The following ASH1L variants were observed in gnomAD, a reference collection of about 807,000 sequenced individuals.
ASH1L encodes histone-lysine N-methyltransferase ASH1L.
A neutral mutation model predicts 269.0 loss-of-function variants in ASH1L; 23 were observed. The observed-to-expected ratio is 0.09, with a 90% CI of 0.06 to 0.12. The LOEUF is 0.12. ASH1L is among the 10% of genes least tolerant of loss of function. The pLI is 1.00. For missense variants in ASH1L, 2,912 were observed against 3,567.8 expected (o/e 0.82, Z 4.68); for synonymous variants, 1,187 against 1,253.5 (o/e 0.95, Z 1.12).
chr1:155,391,579 C>T (rs191799548), intron 7 of ASH1L, among the ~76,000 whole-genome samples: 5 of 152,264 alleles, frequency 3.3e-5, no homozygotes, highest in Admixed American at 1.3e-4. Context: ...TGTTTATTAA[C>T]GTCCAGTAAT....
chr1:155,479,995 T>C lies in ASH1L; in HGVS notation c.2875A>G (p.Met959Val). ...TCTGGTTCCATCTCAAGGTCACTCA[T>C]ACTACAGACACTTGGCCTATGACTG... ...DDSHRPSVCSMSDLEMEPDKK... is the reference protein window; with the variant it reads ...DDSHRPSVCSVSDLEMEPDKK... The change falls in exon 3 of 28, where the codon ATG (methionine) becomes GTG (valine). Residue 959 changes from methionine (M) to valine (V), a missense_variant. Met to Val is a conservative substitution (Grantham distance 21, BLOSUM62 1). Around this residue, in one of 13 missense-constraint regions of ASH1L, gnomAD observed 715 missense variants for 721.0 expected, o/e 0.99. Transcript: ENST00000392403. The C allele has an allele frequency of 1.2e-6, 2 of 1,614,036 alleles. No individual in the cohort carries two copies. Among genetic ancestry groups the C allele is most frequent in the African/African-American group, 1.3e-5 (1 of 75,052 alleles).
chr1:155,546,165 A>AAC (rs1193334863), intron 1 of ASH1L, among the ~76,000 whole-genome samples: 1 of 150,646 alleles, frequency 6.6e-6, no homozygotes, highest in Non-Finnish European at 1.5e-5. Flanking sequence ...CACCAAAAAA[A>AAC]AAAAAAAAAA....
intron 2 of ASH1L, among the ~76,000 whole-genome samples, chr1:155,488,384 G>C (rs1222477755): frequency 6.6e-6 from 1 of 150,592 alleles, no homozygotes; most frequent in Non-Finnish European, 1.5e-5. Context: ...TTGAAGCCGG[G>C]TACGGTGGCT....
At chr1:155,498,915 A>AGT (rs1667328245) in intron 2 of ASH1L, among the ~76,000 whole-genome samples, 1 of 148,624 alleles carries the variant, frequency 6.7e-6, no homozygotes, top group African/African-American at 2.5e-5. Context: ...TGAGAACAGG[A>AGT]GTAAAAAAAA....
intron 6 of ASH1L, among the ~76,000 whole-genome samples, chr1:155,397,140 A>G (rs1360098884): frequency 6.6e-6 from 1 of 151,556 alleles, no homozygotes; most frequent in African/African-American, 2.4e-5. Context: ...AAGAAAAAAA[A>G]AAAAAAAAAG....
At chr1:155,524,875 A>T (rs558782176) in intron 1 of ASH1L, among the ~76,000 whole-genome samples, 2 of 152,254 alleles carry the variant, frequency 1.3e-5, no homozygotes, top group South Asian at 4.1e-4. Flanking sequence ...AGGGAGAAAA[A>T]ATAAATAATA....
At chr1:155,372,749 T>C (rs538289590) in intron 10 of ASH1L, among the ~76,000 whole-genome samples, 2 of 152,144 alleles carry the variant, frequency 1.3e-5, no homozygotes, top group East Asian at 3.9e-4. Context: ...GTAGGTGGGA[T>C]TACAGGCATG....
At chr1:155,496,310 T>C (rs904143636) in intron 2 of ASH1L, among the ~76,000 whole-genome samples, 6 of 152,204 alleles carry the variant, frequency 3.9e-5, no homozygotes, top group Non-Finnish European at 4.4e-5. Context: ...TCCATTATAC[T>C]CTTATGGGAC....
chr1:155,388,821 G>A (rs11586577), intron 7 of ASH1L, among the ~76,000 whole-genome samples: 15,285 of 150,346 alleles, frequency 0.1, 1,090 homozygotes, highest in Middle Eastern at 0.2. Context: ...CTGGGCTCAA[G>A]TGATCCTCCT....
chr1:155,469,429 C>T (rs772082706), intron 3 of ASH1L, among the ~76,000 whole-genome samples: 5 of 152,016 alleles, frequency 3.3e-5, no homozygotes, highest in Non-Finnish European at 5.9e-5. Context: ...GTGATCTGCC[C>T]GCCTCAGCCT....
rs1299775900 is a variant in ASH1L at position 155,562,765 on chromosome 1, G to A, written c.-712C>T. The A allele has an allele frequency of 2.1e-6, 2 of 940,016 alleles. No homozygotes were observed. Among genetic ancestry groups the A allele is most frequent in the East Asian group, 2.9e-5 (1 of 34,306 alleles). The allele number at this position is 940,016 out of a possible 1,614,324, so 58.2% of individuals were successfully genotyped here. On this transcript the variant is annotated 5_prime_UTR_variant, in exon 1 of 28. Transcript: ENST00000392403. ...CCCTGTCAAGCCGGCGCCGGCGCAG[G>A]CCCTCACGCGTACCTTCAACGGCGC...
chr1:155,476,589 T>G (rs1440616273), intron 3 of ASH1L, among the ~76,000 whole-genome samples: 1 of 151,618 alleles, frequency 6.6e-6, no homozygotes, highest in African/African-American at 2.4e-5. Flanking sequence ...TCTCGCTCTG[T>G]TGCCCAGGCT....
At chr1:155,559,983 C>T (rs1671849034) in intron 1 of ASH1L, among the ~76,000 whole-genome samples, 1 of 152,138 alleles carries the variant, frequency 6.6e-6, no homozygotes, top group Admixed American at 6.6e-5. Flanking sequence ...TCCCTTATCA[C>T]CAAATTCAGA....
intron 3 of ASH1L, among the ~76,000 whole-genome samples, chr1:155,467,407 G>A (rs776495035): frequency 4.6e-5 from 7 of 152,134 alleles, no homozygotes; most frequent in Non-Finnish European, 8.8e-5. Context: ...CTTGCATCAA[G>A]CTGATTTTAT....
At chr1:155,524,638 G>T (rs1002081869) in intron 1 of ASH1L, among the ~76,000 whole-genome samples, 1 of 151,762 alleles carries the variant, frequency 6.6e-6, no homozygotes, top group African/African-American at 2.4e-5. Flanking sequence ...TTCAAAGCCA[G>T]TATGGACAAC....
chr1:155,451,996 C>T (rs1265736491), intron 4 of ASH1L, among the ~76,000 whole-genome samples: 1 of 151,900 alleles, frequency 6.6e-6, no homozygotes, highest in Non-Finnish European at 1.5e-5. Context: ...GCTGGGATTA[C>T]AGACGTGAGC....
chr1:155,337,512 G>A lies in ASH1L; in HGVS notation c.*148C>T. The A allele has an allele frequency of 1.5e-6, 1 of 671,224 alleles. No homozygotes were observed. The highest frequency in any genetic ancestry group is 1.7e-5 in the South Asian group (1 of 58,702). 41.6% of individuals were successfully genotyped at this position (671,224 alleles called of 1,614,324 possible). A position where few individuals can be genotyped will look rare whatever the true frequency, so the allele number is the denominator to read the frequency against. On this transcript the variant is annotated 3_prime_UTR_variant, in exon 28 of 28. Transcript: ENST00000392403. ...CCTCTCCCTCTCCACTAGCTCCAAGGCTTATTAAGTACCTAATGTCAACAA... is the reference window on the plus strand; with the variant it reads ...CCTCTCCCTCTCCACTAGCTCCAAGACTTATTAAGTACCTAATGTCAACAA...
At position 155,380,050 on chromosome 1, in the gene ASH1L, T is replaced by C; in HGVS notation, c.6170A>G (p.His2057Arg). 6.2e-7 allele frequency: 1 copy of C among 1,611,434 alleles called. No individual in the cohort carries two copies. Among genetic ancestry groups the C allele is most frequent in the South Asian group, 1.1e-5 (1 of 90,934 alleles). Residue 2057 changes from histidine to arginine, a missense_variant, in exon 8 of 28, where the codon CAC (histidine) becomes CGC (arginine). His to Arg is a conservative substitution (Grantham distance 29). Transcript: ENST00000392403. The stretch of plus-strand genomic sequence containing the variant: ...AAAACAGGCTCTCTGTACCTGATTG[T>C]GTTTCCACTGCCAAAGGATATCATA... The part of the protein sequence containing the change: ...LPYDILWQWK[H>R]NQLYKKPDVP...
At chr1:155,341,646 GACAAA>G (rs1652831514) in intron 25 of ASH1L, among the ~76,000 whole-genome samples, 1 of 151,962 alleles carries the variant, frequency 6.6e-6, no homozygotes, top group East Asian at 1.9e-4. Flanking sequence ...GGGTGTGAAA[GACAAA>G]ACAAAACAAA....
Sources: allele counts gnomAD v4.1 joint callset (sites outside exome capture counted in the v4.1 genomes callset), GRCh38; gene constraint gnomAD v4.1.1; regional missense constraint gnomAD v4.1.1; transcripts MANE v1.5; gene names NCBI Gene and HGNC (gene_info 2026-07-23, HGNC 2026-07-21).